Variants in DLGAP5 observed in about 807,000 individuals in gnomAD.
The protein encoded by DLGAP5 is disks large-associated protein 5.
DLGAP5 carries 90 observed loss-of-function variants against 99.6 expected under a neutral mutation model. The ratio of observed to expected loss-of-function variants is 0.90; its 90% CI spans 0.76 to 1.08. DLGAP5 has a LOEUF of 1.08. Among genes scored for constraint, DLGAP5 ranks in the 50% least tolerant of loss-of-function variants. The pLI is 0.00. For missense variants in DLGAP5, 1,036 were observed against 983.5 expected, an observed-to-expected ratio of 1.05 and a Z score of -0.71; for synonymous variants, 311 against 321.3, an observed-to-expected ratio of 0.97 and a Z score of 0.34.
At chr14:55,156,103 G>A (rs1300389456) in intron 14 of DLGAP5, among the ~76,000 whole-genome samples, 2 of 150,482 alleles carry the variant, frequency 1.3e-5, no homozygotes, top group Non-Finnish European at 3.0e-5. Context: ...AAAAAAAAAA[G>A]AAAGAAAAAT....
intron 15 of DLGAP5, among the ~76,000 whole-genome samples, chr14:55,153,297 C>G (rs1349065554): frequency 6.6e-6 from 1 of 152,134 alleles, no homozygotes; most frequent in East Asian, 1.9e-4. Flanking sequence ...AATCCCAGCA[C>G]TTGGGAGGCA....
At chr14:55,188,863 G>GT (rs904997114) in intron 2 of DLGAP5, 79 bp downstream of exon 2, 54 of 1,034,330 alleles carry the variant, frequency 5.2e-5, no homozygotes, top group Non-Finnish European at 7.1e-5. Flanking sequence ...TCTGGCCAGA[G>GT]TTTTTTACTC....
intron 12 of DLGAP5, among the ~76,000 whole-genome samples, chr14:55,169,069 G>A (rs903961456): frequency 1.3e-5 from 2 of 151,238 alleles, no homozygotes; most frequent in Non-Finnish European, 2.9e-5. Context: ...CCAGCTACTC[G>A]GGAGGCTGAG....
chr14:55,180,703 G>A lies in DLGAP5; in HGVS notation c.656C>T (p.Thr219Ile). 1 of 1,614,126 alleles carries A rather than the reference G, an allele frequency of 6.2e-7. No individual in the cohort carries two copies. The highest frequency in any genetic ancestry group is 1.1e-5 in the South Asian group (1 of 91,082). ...CTTTCTTGCTGTGGTAGATGAGACT[G>A]TTCTGGGAACCTGCTTTGCTGCTTG... is the stretch of plus-strand genomic sequence containing the variant. ...ATQAAKQVPR[T>I]VSSTTARKPV... The change falls in exon 6 of 19, where the codon ACA (threonine) becomes ATA (isoleucine). Residue 219 changes from threonine to isoleucine, a missense_variant. Physicochemically the swap from Thr to Ile is moderately conservative, Grantham distance 89. Transcript: ENST00000247191.
intron 8 of DLGAP5, among the ~76,000 whole-genome samples, chr14:55,176,774 C>T (rs925645998): frequency 6.6e-6 from 1 of 151,566 alleles, no homozygotes; most frequent in Non-Finnish European, 1.5e-5. Flanking sequence ...GTCAGGAGAT[C>T]GAGACCATCC....
At chr14:55,173,298 A>AAC (rs1882931167) in intron 10 of DLGAP5, among the ~76,000 whole-genome samples, 3 of 151,232 alleles carry the variant, frequency 2.0e-5, no homozygotes, top group Admixed American at 2.0e-4. Context: ...CAAAAAAAAA[A>AAC]ACACACACAC....
chr14:55,168,283 T>C (rs991287216), intron 12 of DLGAP5, among the ~76,000 whole-genome samples: 6 of 152,200 alleles, frequency 3.9e-5, no homozygotes, highest in Admixed American at 6.5e-5. Flanking sequence ...TTCTACCTAT[T>C]GTATCTTACA....
intron 2 of DLGAP5, among the ~76,000 whole-genome samples, chr14:55,184,545 T>C: frequency 6.6e-6 from 1 of 152,286 alleles, no homozygotes; most frequent in East Asian, 1.9e-4. Flanking sequence ...TCACACTGAA[T>C]AGGGCTGACT....
At chr14:55,150,901 T>C in intron 17 of DLGAP5, 53 bp from the exon 18 acceptor site, 1 of 1,214,282 alleles carries the variant, frequency 8.2e-7, no homozygotes. Context: ...ATTCGAGGGC[T>C]GTTAGAAATG....
In DLGAP5 at chr14:55,175,943, A is replaced by G. The variant is rs1883046673; in HGVS notation, c.1125T>C (p.Asp375=). ...CCAAAGGACATGGCAATTTATTTGA[A>G]TCTTGCTGTATTGTCTTGGTAGAGT... The part of the protein sequence containing the change: ...KTYSTKTIQQ[D]SNKLPCPLGP... The change falls in exon 9 of 19, where the codon GAT becomes GAC. Residue 375 remains aspartate, a synonymous_variant. Transcript: ENST00000247191. 11 of 1,610,234 alleles carry G rather than the reference A, an allele frequency of 6.8e-6. No homozygotes were observed. The highest frequency in any genetic ancestry group is 9.3e-6 in the Non-Finnish European group (11 of 1,177,566).
rs1226036393 is a variant in DLGAP5, at chr14:55,181,303, TA to T, written c.496-7del. ...ACATCACTCTCGTTATCAATCTATT[TA>T]AGAGATTAGGTGCTATGTGATTTAA... is the stretch of plus-strand genomic sequence containing the variant. On this transcript the variant is annotated splice_region_variant and splice_polypyrimidine_tract_variant and intron_variant, in intron 4 of 18. Coordinates refer to ENST00000247191, the MANE Select transcript of DLGAP5 (RefSeq NM_014750.5). 1 of 1,611,948 alleles carries T rather than the reference TA, an allele frequency of 6.2e-7. No homozygotes were observed. Among genetic ancestry groups the T allele is most frequent in the Admixed American group, 1.7e-5 (1 of 59,922 alleles).
intron 13 of DLGAP5, 127 bp downstream of exon 13, chr14:55,162,844 T>G (rs1481186467): frequency 6.3e-6 from 3 of 474,196 alleles, no homozygotes; most frequent in Non-Finnish European, 1.1e-5. Flanking sequence ...TAATGAGAAA[T>G]CTAAACCTAA....
intron 10 of DLGAP5, among the ~76,000 whole-genome samples, chr14:55,174,035 G>A (rs1013230497): frequency 5.9e-5 from 9 of 152,198 alleles, no homozygotes; most frequent in African/African-American, 1.9e-4. Context: ...TCTGGCCGCC[G>A]GTGAGCCGGG....
intron 4 of DLGAP5, 138 bp from the exon 5 acceptor site, chr14:55,181,435 A>G: frequency 1.7e-6 from 1 of 592,322 alleles, no homozygotes. Flanking sequence ...AACTACCCCA[A>G]ATAAAATGAG....
In DLGAP5 at chr14:55,162,992, A is replaced by T; in HGVS notation, c.1632T>A (p.Asn544Lys). ...TTACCCTAAAGACATTTTTGTTCAT[A>T]TTATGATTCATATTATTATTGACTT... The part of the protein sequence containing the change: ...GWQVNNNMNH[N>K]MNKNVFRKKV... The change falls in exon 13 of 19, where the codon AAT becomes AAA. Residue 544 changes from asparagine (N) to lysine (K), a missense_variant. By Grantham distance (94) the Asn-to-Lys change is moderately conservative (BLOSUM62 0). Transcript: ENST00000247191. 6.3e-7 allele frequency: 1 copy of T among 1,589,758 alleles called. No individual in the cohort carries two copies. Among genetic ancestry groups the T allele is most frequent in the Non-Finnish European group, 8.6e-7 (1 of 1,169,250 alleles).
chr14:55,166,325 C>T (rs61975416), intron 12 of DLGAP5, among the ~76,000 whole-genome samples: 1 of 152,098 alleles, frequency 6.6e-6, no homozygotes, highest in Admixed American at 6.5e-5. Flanking sequence ...TATGAAATAT[C>T]CCAAAAAAAG....
chr14:55,150,655 C>T, intron 18 of DLGAP5, 144 bp downstream of exon 18: 1 of 584,402 alleles, frequency 1.7e-6, no homozygotes, highest in Non-Finnish European at 2.8e-6. Context: ...CCAAATTTTT[C>T]TTCATTCTGT....
Position 55,177,049 on chromosome 14 carries a change from A to G in DLGAP5, c.1049+13T>C. ...TCTTAGCAAGAGACTTATTATTAAG[A>G]TCATATTCTTACACTTCTGTTTTTA... On this transcript the variant is annotated intron_variant, in intron 8 of 18. Coordinates refer to ENST00000247191, the MANE Select transcript of DLGAP5 (RefSeq NM_014750.5). 1 of 1,382,790 alleles carries G rather than the reference A, an allele frequency of 7.2e-7. No homozygotes were observed. The highest frequency in any genetic ancestry group is 9.4e-7 in the Non-Finnish European group (1 of 1,061,880). 85.7% of individuals were successfully genotyped at this position (1,382,790 alleles called of 1,614,324 possible). A position where few individuals can be genotyped will look rare whatever the true frequency, so the allele number is the denominator to read the frequency against.
intron 10 of DLGAP5, among the ~76,000 whole-genome samples, chr14:55,173,198 G>T (rs1182855093): frequency 6.7e-6 from 1 of 150,298 alleles, no homozygotes; most frequent in Non-Finnish European, 1.5e-5. Context: ...AGTATGGGAG[G>T]CTGAGGCAAA....
Sources: gnomAD v4.1 joint callset for allele counts (sites outside exome capture counted in the v4.1 genomes callset) on GRCh38, gnomAD v4.1.1 for gene constraint, MANE v1.5 for transcripts, NCBI Gene and HGNC (gene_info 2026-07-23, HGNC 2026-07-21) for gene names.